The following TYR variants were observed in gnomAD, a reference collection of about 807,000 sequenced individuals.
TYR encodes the protein tyrosinase, also known as LB24-AB.
TYR carries 58 observed loss-of-function variants against 51.5 expected under a neutral mutation model. That is an observed-to-expected ratio of 1.13 (90% CI 0.91 to 1.40). TYR has a LOEUF of 1.40. Among genes scored for constraint, TYR ranks in the 40% most tolerant of loss-of-function variants. The probability of loss-of-function intolerance (pLI) is 0.00; values close to 1 mark genes in which losing one functional copy is unlikely to be tolerated. For missense variants in TYR, 732 were observed against 647.4 expected, an observed-to-expected ratio of 1.13 and a Z score of -1.42; for synonymous variants, 263 against 235.2, an observed-to-expected ratio of 1.12 and a Z score of -1.08.
chr11:89,289,453 T>G (rs1944831755), intron 4 of TYR, among the ~76,000 whole-genome samples: 1 of 152,020 alleles, frequency 6.6e-6, no homozygotes, highest in South Asian at 2.1e-4. Context: ...GACAGTCTTC[T>G]GGGGTGCATT....
chr11:89,279,187 T>C (rs1410314081), intron 3 of TYR, among the ~76,000 whole-genome samples: 6 of 151,794 alleles, frequency 4.0e-5, no homozygotes, highest in Admixed American at 2.0e-4. Context: ...AAATAAACCA[T>C]AGAAACTAGA....
intron 1 of TYR, among the ~76,000 whole-genome samples, chr11:89,182,202 T>C (rs1943309261): frequency 6.6e-6 from 1 of 152,206 alleles, no homozygotes; most frequent in Non-Finnish European, 1.5e-5. Context: ...AATATTTTTG[T>C]ATCCACAGAG....
At chr11:89,185,171 A>G (rs1206846100) in intron 1 of TYR, among the ~76,000 whole-genome samples, 1 of 152,146 alleles carries the variant, frequency 6.6e-6, no homozygotes, top group Non-Finnish European at 1.5e-5. Context: ...AGTCTTCCAC[A>G]GTCTGGCTTA....
intron 3 of TYR, among the ~76,000 whole-genome samples, chr11:89,239,895 G>A (rs1176611080): frequency 6.6e-6 from 1 of 152,172 alleles, no homozygotes; most frequent in Non-Finnish European, 1.5e-5. Flanking sequence ...ATTTTGGTCA[G>A]AAAAGATACT....
intron 3 of TYR, among the ~76,000 whole-genome samples, chr11:89,279,854 C>T (rs1161732293): frequency 6.6e-6 from 1 of 151,726 alleles, no homozygotes; most frequent in Non-Finnish European, 1.5e-5. Flanking sequence ...GTGTGCATCT[C>T]ATACTTAGTG....
chr11:89,222,486 C>T (rs1943924815), intron 2 of TYR, among the ~76,000 whole-genome samples: 1 of 152,164 alleles, frequency 6.6e-6, no homozygotes, highest in Non-Finnish European at 1.5e-5. Flanking sequence ...CGCCTGTAAT[C>T]CCAGCACTTT....
chr11:89,277,529 A>G (rs1944669946), intron 3 of TYR, among the ~76,000 whole-genome samples: 2 of 151,764 alleles, frequency 1.3e-5, no homozygotes, highest in Non-Finnish European at 2.9e-5. Flanking sequence ...TTCCAAAGTT[A>G]ATCTTACTCT....
At chr11:89,245,903 A>C (rs1944261085) in intron 3 of TYR, among the ~76,000 whole-genome samples, 1 of 149,366 alleles carries the variant, frequency 6.7e-6, no homozygotes, top group African/African-American at 2.5e-5. Context: ...CCCGGGCGAC[A>C]GAGCAAGACT....
chr11:89,191,233 G>C lies in TYR; in HGVS notation c.851G>C (p.Ser284Thr). 6.2e-7 allele frequency: 1 copy of C among 1,613,534 alleles called. No individual in the cohort carries two copies. Among genetic ancestry groups the C allele is most frequent in the Non-Finnish European group, 8.5e-7 (1 of 1,179,706 alleles). Residue 284 changes from serine to threonine, a missense_variant, in exon 2 of 5, where the codon AGC (serine) becomes ACC (threonine). Physicochemically the swap from Ser to Thr is moderately conservative, Grantham distance 58. Coordinates refer to ENST00000263321, the MANE Select transcript of TYR (RefSeq NM_000372.5). Reference sequence around the variant, plus strand: ...TGTAGCCGATTGGAGGAGTACAACAGCCATCAGTCTTTATGCAATGGAACG... The same window carrying C: ...TGTAGCCGATTGGAGGAGTACAACACCCATCAGTCTTTATGCAATGGAACG... Reference protein sequence around the residue: ...IVCSRLEEYNSHQSLCNGTPE... With the variant: ...IVCSRLEEYNTHQSLCNGTPE...
chr11:89,254,411 T>C (rs1225602796), intron 3 of TYR, among the ~76,000 whole-genome samples: 1 of 151,776 alleles, frequency 6.6e-6, no homozygotes, highest in Non-Finnish European at 1.5e-5. Flanking sequence ...AACAATTCTT[T>C]GAACATCGGA....
rs377317021 is a variant in TYR, at chr11:89,185,194, T to TGA, written c.820-6007_820-6006dup. On this transcript the variant is annotated intron_variant, in intron 1 of 4. Transcript: ENST00000263321. ...ACAGTCTGGCTTAGTATCCTCATCA[T>TGA]GAAAATAGAGATAAAATCATAAAAA... is the stretch of plus-strand genomic sequence containing the variant. Among the ~76,000 whole-genome samples the TGA allele has an allele frequency of 3.0e-3, 457 of 152,250 alleles. 2 individuals are homozygous for TGA. The highest frequency in any genetic ancestry group is 9.9e-3 in the African/African-American group (410 of 41,566).
At chr11:89,226,152 G>T (rs1943973335) in intron 2 of TYR, among the ~76,000 whole-genome samples, 1 of 152,024 alleles carries the variant, frequency 6.6e-6, no homozygotes, top group African/African-American at 2.4e-5. Flanking sequence ...CTTCTATGAA[G>T]AACATTGTCC....
In TYR at chr11:89,227,841, C is replaced by T; in HGVS notation, c.1055C>T (p.Thr352Ile). The change falls in exon 3 of 5, where the codon ACT becomes ATT. Residue 352 changes from threonine (T) to isoleucine (I), a missense_variant. Physicochemically the swap from Thr to Ile is moderately conservative, Grantham distance 89 (BLOSUM62 -1). Transcript: ENST00000263321. ...TGAACAGGATTTGCTAGTCCACTTACTGGGATAGCGGATGCCTCTCAAAGC... is the reference window on the plus strand; with the variant it reads ...TGAACAGGATTTGCTAGTCCACTTATTGGGATAGCGGATGCCTCTCAAAGC... ...NTLEGFASPL[T>I]GIADASQSSM... The T allele has an allele frequency of 6.2e-7, 1 of 1,612,892 alleles. No homozygotes were observed. Among genetic ancestry groups the T allele is most frequent in the Non-Finnish European group, 8.5e-7 (1 of 1,179,566 alleles).
intron 1 of TYR, among the ~76,000 whole-genome samples, chr11:89,181,827 A>G (rs188934785): frequency 3.6e-4 from 55 of 152,272 alleles, no homozygotes; most frequent in African/African-American, 1.3e-3. Context: ...TAAGTCAACA[A>G]TGTTATTTCT....
At chr11:89,264,981 T>C (rs1443831732) in intron 3 of TYR, among the ~76,000 whole-genome samples, 3 of 152,092 alleles carry the variant, frequency 2.0e-5, no homozygotes, top group Admixed American at 6.6e-5. Flanking sequence ...TAGTGCATAC[T>C]TAATTCTTTT....
At chr11:89,184,812 T>C (rs1304519625) in intron 1 of TYR, among the ~76,000 whole-genome samples, 2 of 152,108 alleles carry the variant, frequency 1.3e-5, no homozygotes, top group African/African-American at 2.4e-5. Flanking sequence ...CGGAGCCCAA[T>C]TTTTTCTCTA....
Position 89,191,247 on chromosome 11 carries a change from T to C in TYR, c.865T>C (p.Cys289Arg), listed in dbSNP as rs1468041471. 6 of 1,613,486 alleles carry C rather than the reference T, an allele frequency of 3.7e-6. No individual in the cohort carries two copies. The highest frequency in any genetic ancestry group is 1.3e-5 in the African/African-American group (1 of 74,862). Residue 289 changes from cysteine (C) to arginine (R), a missense_variant, in exon 2 of 5, where the codon TGC becomes CGC. Coordinates refer to ENST00000263321, the MANE Select transcript of TYR (RefSeq NM_000372.5). The part of the protein sequence containing the change: ...LEEYNSHQSL[C>R]NGTPEGPLRR... ...GGAGTACAACAGCCATCAGTCTTTA[T>C]GCAATGGAACGCCCGAGGGACCTTT...
intron 3 of TYR, among the ~76,000 whole-genome samples, chr11:89,251,621 G>A (rs371964119): frequency 6.6e-6 from 1 of 151,668 alleles, no homozygotes; most frequent in African/African-American, 2.4e-5. Flanking sequence ...TTTATTGAAA[G>A]GAAAAAAGTT....
intron 4 of TYR, among the ~76,000 whole-genome samples, chr11:89,289,443 G>A (rs1000794378): frequency 2.0e-5 from 3 of 151,942 alleles, no homozygotes; most frequent in Non-Finnish European, 4.4e-5. Flanking sequence ...TACTCAGTGG[G>A]ACAGTCTTCT....
Sources: allele counts gnomAD v4.1 joint callset (sites outside exome capture counted in the v4.1 genomes callset), GRCh38; gene constraint gnomAD v4.1.1; transcripts MANE v1.5; gene names NCBI Gene and HGNC (gene_info 2026-07-23, HGNC 2026-07-21).